MPP4: variants seen among roughly 807,000 people sequenced by gnomAD.
MPP4 encodes MAGUK p55 scaffold protein 4, also known as MAGUK p55 subfamily member 4.
A neutral mutation model predicts 98.3 loss-of-function variants in MPP4; 91 were observed. The ratio of observed to expected loss-of-function variants is 0.93; its 90% CI spans 0.78 to 1.10. MPP4 has a LOEUF of 1.10. Among genes scored for constraint, MPP4 ranks in the 50% least tolerant of loss-of-function variants. The pLI is 0.00. For synonymous variants in MPP4, 261 were observed against 271.8 expected, an observed-to-expected ratio of 0.96 and a Z score of 0.39; for missense variants, 744 against 792.9, an observed-to-expected ratio of 0.94 and a Z score of 0.74.
intron 5 of MPP4, 130 bp from the exon 6 acceptor site, chr2:201,686,180 G>T: frequency 9.4e-7 from 1 of 1,069,250 alleles, no homozygotes; most frequent in Non-Finnish European, 1.3e-6. Flanking sequence ...CAGACACAGT[G>T]CGAAGCATTT....
intron 20 of MPP4, among the ~76,000 whole-genome samples, chr2:201,648,779 TG>T (rs1687637766): frequency 6.6e-6 from 1 of 152,200 alleles, no homozygotes; most frequent in Non-Finnish European, 1.5e-5. Context: ...AAAACATGGC[TG>T]GGCGCAGTAG....
chr2:201,695,274 G>T (rs1338183696), intron 1 of MPP4, among the ~76,000 whole-genome samples: 5 of 152,044 alleles, frequency 3.3e-5, no homozygotes, highest in Non-Finnish European at 7.4e-5. Flanking sequence ...GGGGAGGAAG[G>T]GATTAAGAAA....
At chr2:201,654,732 G>C (rs1687808141) in intron 18 of MPP4, 105 bp downstream of exon 18, 4 of 644,110 alleles carry the variant, frequency 6.2e-6, no homozygotes, top group Non-Finnish European at 1.0e-5. Context: ...ACTATCCCTG[G>C]TGTTGTATAC....
chr2:201,690,409 T>C (rs2287050), intron 3 of MPP4, 130 bp from the exon 4 acceptor site: 135,698 of 532,230 alleles, frequency 0.25, 19,381 homozygotes, highest in African/African-American at 0.48. Flanking sequence ...GTGTGGTTGG[T>C]GTTTAGTAAG....
chr2:201,678,859 C>G (rs1320324341), intron 10 of MPP4, among the ~76,000 whole-genome samples: 1 of 152,110 alleles, frequency 6.6e-6, no homozygotes, highest in African/African-American at 2.4e-5. Context: ...ACTCCTAGGT[C>G]TCAACACTGT....
intron 10 of MPP4, 112 bp from the exon 11 acceptor site, chr2:201,675,383 T>C: frequency 3.7e-6 from 4 of 1,074,544 alleles, no homozygotes; most frequent in Non-Finnish European, 5.5e-6. Flanking sequence ...AGAATTCTGC[T>C]GCCTTCACTC....
chr2:201,690,100 A>G, intron 4 of MPP4, 102 bp downstream of exon 4: 1 of 681,284 alleles, frequency 1.5e-6, no homozygotes, highest in Non-Finnish European at 2.4e-6. Flanking sequence ...ATAGTCATCA[A>G]TAAAACTTTT....
intron 12 of MPP4, among the ~76,000 whole-genome samples, chr2:201,667,976 A>G (rs1028330677): frequency 2.0e-5 from 3 of 152,350 alleles, no homozygotes; most frequent in Middle Eastern, 3.4e-3. Context: ...AATTAATTAG[A>G]TTAATTTAAT....
In MPP4 at chr2:201,671,123, AC is replaced by A. The variant is rs367717001; in HGVS notation, c.995-1374del. Among the ~76,000 whole-genome samples, 335 of 152,152 alleles carry A rather than the reference AC, an allele frequency of 2.2e-3. 3 individuals carry two copies. The highest frequency in any genetic ancestry group is 7.8e-3 in the African/African-American group (326 of 41,534). ...CAGGGCCGTGGGTTTCAAGCACAAA[AC>A]TGGGCGGCCGTTTGGGCAGACACTG... On this transcript the variant is annotated intron_variant, in intron 11 of 21. Coordinates refer to ENST00000409474, the MANE Select transcript of MPP4 (RefSeq NM_033066.3).
chr2:201,647,891 T>A, intron 20 of MPP4, 66 bp from the exon 21 acceptor site: 1 of 1,487,988 alleles, frequency 6.7e-7, no homozygotes. Context: ...GGTCTTGCTC[T>A]GTCACCCAGG....
chr2:201,686,211 T>G (rs1465305810), intron 5 of MPP4, among the ~76,000 whole-genome samples, 161 bp from the exon 6 acceptor site: 1 of 152,150 alleles, frequency 6.6e-6, no homozygotes, highest in Non-Finnish European at 1.5e-5. Flanking sequence ...AATCCGATCT[T>G]CACAATAATT....
At chr2:201,675,003 C>T (rs1688462807) in intron 11 of MPP4, 3 of 692,782 alleles carry the variant, frequency 4.3e-6, no homozygotes, top group Non-Finnish European at 7.8e-6. Flanking sequence ...CAAGTGCCCA[C>T]TGAATAGCCA....
chr2:201,675,708 A>G (rs1465125231), intron 10 of MPP4, among the ~76,000 whole-genome samples: 3 of 152,160 alleles, frequency 2.0e-5, no homozygotes, highest in African/African-American at 7.2e-5. Flanking sequence ...GATCTCTAGC[A>G]TCACCCCTGG....
chr2:201,681,181 A>G, intron 9 of MPP4, 147 bp from the exon 10 acceptor site: 1 of 839,912 alleles, frequency 1.2e-6, no homozygotes. Flanking sequence ...CTCACCAAAA[A>G]GGAGAACTCG....
chr2:201,678,002 G>A (rs868687952), intron 10 of MPP4, among the ~76,000 whole-genome samples: 2 of 152,118 alleles, frequency 1.3e-5, no homozygotes, highest in Non-Finnish European at 2.9e-5. Flanking sequence ...AGGAGAGTCC[G>A]AGGTGCCTTC....
chr2:201,692,408 G>T (rs1221743958), intron 3 of MPP4, among the ~76,000 whole-genome samples: 2 of 152,090 alleles, frequency 1.3e-5, no homozygotes, highest in Admixed American at 6.6e-5. Context: ...GCCAAGTGTG[G>T]TGGTGGGTGC....
At chr2:201,675,343 C>T in intron 10 of MPP4, 72 bp from the exon 11 acceptor site, 1 of 1,403,830 alleles carries the variant, frequency 7.1e-7, no homozygotes, top group East Asian at 2.5e-5. Flanking sequence ...ATGAAACAGA[C>T]CCAGAGCAAC....
Position 201,682,924 on chromosome 2 carries a change from G to A in MPP4, c.575-8C>T. 3.7e-6 allele frequency: 6 copies of A among 1,610,684 alleles called. No individual in the cohort carries two copies. Among genetic ancestry groups the A allele is most frequent in the African/African-American group, 1.3e-5 (1 of 74,880 alleles). ...CTCCAGCATATAGCAACCCTAGGCA[G>A]ACAGTAACAAAAAACAAAGAAAGAT... is the stretch of plus-strand genomic sequence containing the variant. On this transcript the variant is annotated splice_polypyrimidine_tract_variant and splice_region_variant and intron_variant, in intron 7 of 21. Transcript: ENST00000409474.
intron 3 of MPP4, among the ~76,000 whole-genome samples, chr2:201,690,979 G>A (rs936152858): frequency 2.6e-5 from 4 of 152,162 alleles, no homozygotes; most frequent in African/African-American, 7.2e-5. Flanking sequence ...TCTTACAGAC[G>A]AAGAAATAAG....
Sources: gnomAD v4.1 joint callset for allele counts (sites outside exome capture counted in the v4.1 genomes callset) on GRCh38, gnomAD v4.1.1 for gene constraint, MANE v1.5 for transcripts, NCBI Gene and HGNC (gene_info 2026-07-23, HGNC 2026-07-21) for gene names.